Variants in SLCO3A1 observed in about 807,000 individuals in gnomAD.
SLCO3A1 encodes solute carrier organic anion transporter family member 3A1.
Under a neutral mutation model 63.1 loss-of-function variants are expected in SLCO3A1, and 27 were observed. The observed-to-expected ratio is 0.43, with a 90% confidence interval of 0.32 to 0.59. The LOEUF is 0.59. Among genes scored for constraint, SLCO3A1 ranks in the 20% least tolerant of loss-of-function variants. The pLI is 0.09. For missense variants in SLCO3A1, 773 were observed against 945.8 expected (o/e 0.82, Z 2.40); for synonymous variants, 473 against 409.9 (o/e 1.15, Z -1.86).
intron 2 of SLCO3A1, among the ~76,000 whole-genome samples, chr15:92,023,264 A>G (rs1208745377): frequency 1.3e-5 from 2 of 152,214 alleles, no homozygotes; most frequent in Non-Finnish European, 2.9e-5. Context: ...TTCTTTACAG[A>G]ACATACAAGG....
intron 2 of SLCO3A1, among the ~76,000 whole-genome samples, chr15:91,965,714 C>A (rs1900632446): frequency 6.9e-6 from 1 of 144,010 alleles, no homozygotes; most frequent in Non-Finnish European, 1.5e-5. Flanking sequence ...TTGTGGGCAG[C>A]CAGCAGGGTG....
In SLCO3A1 at chr15:91,862,587, T is replaced by C. The variant is rs1479357697; in HGVS notation, c.180+8499T>C. The stretch of plus-strand genomic sequence containing the variant: ...CCTGTTCAGATAGGCCTTGAGACTT[T>C]CTTGGTAGCTCTAAAGTCTCTTCTG... On this transcript the variant is annotated intron_variant, in intron 1 of 9. Coordinates refer to ENST00000318445, the MANE Select transcript of SLCO3A1 (RefSeq NM_013272.4). This position sits in a 1 kb window ranked among gnomAD's most constrained non-coding sequence, Gnocchi z 4.0. 6.6e-6 allele frequency among the ~76,000 whole-genome samples: 1 copy of C among 152,234 alleles called. No individual in the cohort carries two copies. The highest frequency in any genetic ancestry group is 2.4e-5 in the African/African-American group (1 of 41,458).
At chr15:91,922,062 A>G (rs930951366) in intron 2 of SLCO3A1, among the ~76,000 whole-genome samples, 6 of 152,170 alleles carry the variant, frequency 3.9e-5, no homozygotes, top group Non-Finnish European at 1.5e-5. Context: ...ATATGTGCTC[A>G]TTTGTGTGTC....
At chr15:92,140,614 A>T (rs927614064) in intron 7 of SLCO3A1, among the ~76,000 whole-genome samples, 1 of 152,098 alleles carries the variant, frequency 6.6e-6, no homozygotes, top group East Asian at 1.9e-4. Context: ...GTGGGAGTCT[A>T]ATTCTCTTTG....
At chr15:91,953,043 C>T (rs1385154346) in intron 2 of SLCO3A1, among the ~76,000 whole-genome samples, 1 of 152,148 alleles carries the variant, frequency 6.6e-6, no homozygotes, top group African/African-American at 2.4e-5. Context: ...GCATCAACCT[C>T]AGTGGAAGCT....
intron 2 of SLCO3A1, among the ~76,000 whole-genome samples, chr15:91,962,512 T>A (rs891668283): frequency 6.7e-6 from 1 of 149,130 alleles, no homozygotes; most frequent in African/African-American, 2.5e-5. Flanking sequence ...GAGCAAGGAT[T>A]TCCTGTGGCC....
chr15:92,126,751 T>C (rs59123038), intron 6 of SLCO3A1, among the ~76,000 whole-genome samples: 13,845 of 152,132 alleles, frequency 0.091, 2,122 homozygotes, highest in African/African-American at 0.32. Flanking sequence ...TTAGTTCTCA[T>C]AGGACCACTT....
intron 9 of SLCO3A1, chr15:92,162,533 G>A (rs2151604673): frequency 3.2e-6 from 2 of 615,858 alleles, no homozygotes; most frequent in East Asian, 6.2e-5. Context: ...TGCAGATGAG[G>A]AAACTAAGGC....
intron 4 of SLCO3A1, among the ~76,000 whole-genome samples, chr15:92,115,815 CA>C (rs765666191): frequency 4.7e-3 from 404 of 86,698 alleles, no homozygotes; most frequent in African/African-American, 0.011. Flanking sequence ...TCTCTTCCCT[CA>C]AAAAAAAAAA....
intron 1 of SLCO3A1, among the ~76,000 whole-genome samples, chr15:91,915,311 A>C (rs1898617120): frequency 6.6e-6 from 1 of 152,182 alleles, no homozygotes; most frequent in South Asian, 2.1e-4. Context: ...AGACAAGAAT[A>C]CAAAAAAACG....
chr15:92,016,238 TAGA>T (rs1352532228), intron 2 of SLCO3A1, among the ~76,000 whole-genome samples: 20 of 59,208 alleles, frequency 3.4e-4, no homozygotes, highest in East Asian at 2.1e-3. Context: ...GATAGATAGA[TAGA>T]TAGATAGATA....
intron 9 of SLCO3A1, among the ~76,000 whole-genome samples, chr15:92,153,249 A>C (rs143128563): frequency 0.013 from 1,984 of 152,288 alleles, 24 homozygotes; most frequent in African/African-American, 0.039. Context: ...AACAAACAAA[A>C]AAAAAAAATC....
chr15:92,091,824 G>A (rs762729310), intron 2 of SLCO3A1, among the ~76,000 whole-genome samples: 4 of 152,206 alleles, frequency 2.6e-5, no homozygotes, highest in Admixed American at 6.5e-5. Context: ...TATCAACTCC[G>A]TCCTGTTCCT....
chr15:91,923,604 C>A (rs1898917888), intron 2 of SLCO3A1, among the ~76,000 whole-genome samples: 1 of 152,170 alleles, frequency 6.6e-6, no homozygotes, highest in South Asian at 2.1e-4. Flanking sequence ...AATTTGGAAG[C>A]ATATTAGCTC....
chr15:91,941,644 CT>C lies in SLCO3A1; in HGVS notation c.646+25191del. On this transcript the variant is annotated intron_variant, in intron 2 of 9. Coordinates refer to ENST00000318445, the MANE Select transcript of SLCO3A1 (RefSeq NM_013272.4). This position sits in a 1 kb window ranked among gnomAD's most constrained non-coding sequence, Gnocchi z 4.4. ...CTTCTAATCTCCCATGGGTTTTGTA[CT>C]TTTTCTTACTCGGGATGTTTGTTTC... The C allele has an allele frequency of 9.6e-6, 4 of 415,956 alleles. No individual in the cohort carries two copies. The Middle Eastern group carries it at 1.0e-3, about 108-fold the overall frequency. The allele number at this position is 415,956 out of a possible 1,614,324, so 25.8% of individuals were successfully genotyped here. A position where few individuals can be genotyped will look rare whatever the true frequency, so the allele number is the denominator to read the frequency against.
chr15:92,163,097 G>A lies in SLCO3A1; in HGVS notation c.2095G>A (p.Asp699Asn). ...GACAAAGTTTATCTATAACCTGGAA[G>A]ACCATGAGTGGTGTGAAAACATGGA... is the stretch of plus-strand genomic sequence containing the variant. Reference protein sequence around the residue: ...HRTKFIYNLEDHEWCENMESV... With the variant: ...HRTKFIYNLENHEWCENMESV... Residue 699 changes from aspartate to asparagine, a missense_variant, in exon 10 of 10, where the codon GAC becomes AAC. Physicochemically the swap from Asp to Asn is conservative, Grantham distance 23. This residue lies in a region of SLCO3A1 where 139 missense variants were observed against 131.4 expected (regional missense o/e 1.06). Transcript: ENST00000318445. 1.3e-6 allele frequency: 2 copies of A among 1,534,730 alleles called. No homozygotes were observed. Among genetic ancestry groups the A allele is most frequent in the Non-Finnish European group, 8.7e-7 (1 of 1,142,994 alleles).
intron 2 of SLCO3A1, among the ~76,000 whole-genome samples, chr15:92,010,343 A>G (rs2046355592): frequency 6.6e-6 from 1 of 152,224 alleles, no homozygotes; most frequent in Non-Finnish European, 1.5e-5. Context: ...ATGGTGATGC[A>G]CGTTAACATA....
chr15:92,129,459 T>C (rs1216663552), intron 7 of SLCO3A1, among the ~76,000 whole-genome samples: 1 of 152,160 alleles, frequency 6.6e-6, no homozygotes, highest in East Asian at 1.9e-4. Flanking sequence ...TCTGAAACCA[T>C]CCCTTCCCTT....
intron 2 of SLCO3A1, among the ~76,000 whole-genome samples, chr15:91,919,450 T>C (rs1002016989): frequency 2.0e-5 from 3 of 152,204 alleles, no homozygotes; most frequent in African/African-American, 7.2e-5. Context: ...TGCGGCATCA[T>C]GCGGCACCCG....
Sources: gnomAD v4.1 joint callset for allele counts (sites outside exome capture counted in the v4.1 genomes callset) on GRCh38, gnomAD v4.1.1 for gene constraint, gnomAD v4.1.1 regional missense constraint, Gnocchi (gnomAD v3.1) non-coding constraint, MANE v1.5 for transcripts, NCBI Gene and HGNC (gene_info 2026-07-23, HGNC 2026-07-21) for gene names.